The following HERC1 variants were observed in gnomAD, a reference collection of about 807,000 sequenced individuals.
HERC1 encodes probable E3 ubiquitin-protein ligase HERC1.
In HERC1, 160 loss-of-function variants were observed where a neutral mutation model predicts 554.3. The observed-to-expected ratio is 0.29, with a 90% confidence interval of 0.25 to 0.33. The LOEUF (loss-of-function observed/expected upper bound fraction) is 0.33, where lower values mean the gene tolerates loss of function less well. Among genes scored for constraint, HERC1 ranks in the 10% least tolerant of loss-of-function variants. The pLI, the probability that HERC1 is intolerant of heterozygous loss-of-function variation, is 1.00. For missense variants in HERC1, 4,919 were observed against 5,918.5 expected (o/e 0.83, Z 5.54); for synonymous variants, 2,175 against 2,131.7 (o/e 1.02, Z -0.56).
chr15:63,670,920 G>A (rs541165294), intron 39 of HERC1, among the ~76,000 whole-genome samples: 1 of 152,016 alleles, frequency 6.6e-6, no homozygotes, highest in Admixed American at 6.5e-5. Flanking sequence ...ATTAGCGAGG[G>A]GCCAGGTGCG....
chr15:63,826,803 AAAAAAAAAAAAAT>A (rs1448346766), intron 1 of HERC1, among the ~76,000 whole-genome samples: 66 of 73,612 alleles, frequency 9.0e-4, no homozygotes, highest in Admixed American at 1.4e-3. Flanking sequence ...AAAAAAAAAA[AAAAAAAAAAAAAT>A]ATATATATAT....
intron 1 of HERC1, among the ~76,000 whole-genome samples, chr15:63,799,821 A>G (rs545075178): frequency 3.7e-4 from 56 of 152,308 alleles, no homozygotes; most frequent in African/African-American, 1.3e-3. Flanking sequence ...TTCAGGAGCC[A>G]TTCCTAAATC....
intron 72 of HERC1, 32 bp from the exon 73 acceptor site, chr15:63,623,922 C>T: frequency 6.2e-7 from 1 of 1,601,820 alleles, no homozygotes; most frequent in Non-Finnish European, 8.5e-7. Context: ...CAATGAAATA[C>T]AACTCTTACC....
At position 63,734,522 on chromosome 15, in the gene HERC1, T is replaced by C. The variant is rs2074421603; in HGVS notation, c.2646+202A>G. The C allele has an allele frequency of 5.4e-6, 2 of 373,086 alleles. No homozygotes were observed. Among genetic ancestry groups the C allele is most frequent in the Non-Finnish European group, 9.5e-6 (2 of 209,970 alleles). 23.1% of individuals were successfully genotyped at this position (373,086 alleles called of 1,614,324 possible). A position where few individuals can be genotyped will look rare whatever the true frequency, so the allele number is the denominator to read the frequency against. On this transcript the variant is annotated intron_variant, in intron 13 of 77. Transcript: ENST00000443617. This position sits in a 1 kb window ranked among gnomAD's most constrained non-coding sequence, Gnocchi z 4.6. ...CTGGAAAAATTAGTCCTTATTTTAA[T>C]AATTAGCCCCAAATAACTTAATAAA...
Position 63,698,951 on chromosome 15 carries a change from C to G in HERC1, c.4682G>C (p.Arg1561Pro). 1 of 1,613,622 alleles carries G rather than the reference C, an allele frequency of 6.2e-7. No individual in the cohort carries two copies. The part of the protein sequence containing the change: ...QLESLSDSWA[R>P]LKHSRDWLCN... ...TAACCAGTCTCTGCTATGTTTCAGGCGAGCCCAAGAGTCACTCAGGGATTC... is the reference window on the plus strand; with the variant it reads ...TAACCAGTCTCTGCTATGTTTCAGGGGAGCCCAAGAGTCACTCAGGGATTC... The change falls in exon 26 of 78, where the codon CGC (arginine) becomes CCC (proline). Residue 1561 changes from arginine to proline, a missense_variant. Physicochemically the swap from Arg to Pro is moderately radical, Grantham distance 103. Transcript: ENST00000443617.
Position 63,749,810 on chromosome 15 carries a change from C to A in HERC1, c.1903-19G>T. On this transcript the variant is annotated intron_variant, in intron 8 of 77. Coordinates refer to ENST00000443617, the MANE Select transcript of HERC1 (RefSeq NM_003922.4). The surrounding 1 kb of genome is among the most constrained non-coding windows in gnomAD (Gnocchi z 4.1). ...CATAGACCTGAAAAAAACAGAAATA[C>A]GTTACACATAACTTCCTGAGATGAT... is the stretch of plus-strand genomic sequence containing the variant. 2.0e-6 allele frequency: 3 copies of A among 1,525,518 alleles called. No homozygotes were observed. Among genetic ancestry groups the A allele is most frequent in the Non-Finnish European group, 2.6e-6 (3 of 1,136,630 alleles). 94.5% of individuals were successfully genotyped at this position (1,525,518 alleles called of 1,614,324 possible).
intron 1 of HERC1, among the ~76,000 whole-genome samples, chr15:63,814,866 G>T (rs553231075): frequency 3.3e-5 from 5 of 152,144 alleles, no homozygotes; most frequent in Non-Finnish European, 7.3e-5. Flanking sequence ...ATTGTTAAGA[G>T]GATCAAATAA....
intron 66 of HERC1, among the ~76,000 whole-genome samples, chr15:63,634,329 T>A: frequency 6.6e-6 from 1 of 152,200 alleles, no homozygotes; most frequent in East Asian, 1.9e-4. Flanking sequence ...AGGACACTCT[T>A]GATGTATACA....
At chr15:63,661,063 AAC>A (rs1188500043) in intron 45 of HERC1, 38 bp from the exon 46 acceptor site, 2 of 1,442,438 alleles carry the variant, frequency 1.4e-6, no homozygotes, top group Non-Finnish European at 2.0e-6. Flanking sequence ...TTTTATATAA[AAC>A]AGTTAGTACC....
chr15:63,711,571 C>T (rs192520514), intron 24 of HERC1, among the ~76,000 whole-genome samples: 10 of 152,212 alleles, frequency 6.6e-5, no homozygotes, highest in Admixed American at 5.9e-4. Flanking sequence ...TTTATGGAAG[C>T]TTTTTTAAAA....
intron 30 of HERC1, 56 bp downstream of exon 30, chr15:63,693,908 C>G (rs761895486): frequency 1.2e-5 from 18 of 1,503,044 alleles, no homozygotes; most frequent in Non-Finnish European, 1.5e-5. Context: ...CATATGCACA[C>G]AATGGGGTTT....
At chr15:63,772,148 A>C (rs1244931667) in intron 2 of HERC1, among the ~76,000 whole-genome samples, 1 of 151,996 alleles carries the variant, frequency 6.6e-6, no homozygotes, top group Non-Finnish European at 1.5e-5. Context: ...AAAAGGAAAA[A>C]TATTTAAACT....
At chr15:63,633,796 AG>A (rs1440214061) in intron 67 of HERC1, 51 bp downstream of exon 67, 3 of 1,567,718 alleles carry the variant, frequency 1.9e-6, no homozygotes, top group Non-Finnish European at 2.6e-6. Flanking sequence ...CTACTGACAT[AG>A]ATGAAAACTA....
Position 63,727,559 on chromosome 15 carries a change from T to TA in HERC1, c.3346+87dup, listed in dbSNP as rs113752258. ...ATTCCTTTGATAGCCTTAGGATAGA[T>TA]AGACTCCAATGGAAAAACACAGTGA... On this transcript the variant is annotated intron_variant, in intron 17 of 77. Transcript: ENST00000443617. The surrounding 1 kb of genome is among the most constrained non-coding windows in gnomAD (Gnocchi z 4.3). 254,660 of 902,844 alleles carry TA rather than the reference T, an allele frequency of 0.28. 40,200 individuals carry two copies. The highest frequency in any genetic ancestry group is 0.32 in the Middle Eastern group (941 of 2,946). 55.9% of individuals were successfully genotyped at this position (902,844 alleles called of 1,614,324 possible). A position where few individuals can be genotyped will look rare whatever the true frequency, so the allele number is the denominator to read the frequency against.
intron 7 of HERC1, 76 bp from the exon 8 acceptor site, chr15:63,753,161 A>G (rs2075308066): frequency 3.7e-6 from 4 of 1,094,784 alleles, no homozygotes; most frequent in South Asian, 4.3e-5. Flanking sequence ...TAAAGTTGAT[A>G]AGGAGCTCTA....
At chr15:63,826,795 AAAAAAAAAAAAAAAAAAAAATAT>A (rs1431434083) in intron 1 of HERC1, among the ~76,000 whole-genome samples, 16 of 60,428 alleles carry the variant, frequency 2.6e-4, no homozygotes, top group Middle Eastern at 6.6e-3. Flanking sequence ...AAAAAAAAAA[AAAAAAAAAAAAAAAAAAAAATAT>A]ATATATATAT....
At position 63,674,182 on chromosome 15, in the gene HERC1, AAAAG is replaced by A. The variant is rs201277582; in HGVS notation, c.7846+156_7846+159del. 0.012 allele frequency among the ~76,000 whole-genome samples: 1,797 copies of A among 152,262 alleles called. 20 individuals are homozygous for A. Among genetic ancestry groups the A allele is most frequent in the East Asian group, 0.022 (115 of 5,186 alleles). On this transcript the variant is annotated intron_variant, in intron 38 of 77. Coordinates refer to ENST00000443617, the MANE Select transcript of HERC1 (RefSeq NM_003922.4). Reference sequence around the variant, plus strand: ...AAGATTACTAATAGAAAAATAATAAAAAAGAACTGTTTTCAAGAAAAAATGATGT... The same window carrying A: ...AAGATTACTAATAGAAAAATAATAAAAACTGTTTTCAAGAAAAAATGATGT...
At chr15:63,730,936 A>C (rs1350820341) in intron 14 of HERC1, among the ~76,000 whole-genome samples, 1 of 152,234 alleles carries the variant, frequency 6.6e-6, no homozygotes, top group African/African-American at 2.4e-5. Context: ...AGCACCATTT[A>C]AACAACTACT....
intron 40 of HERC1, among the ~76,000 whole-genome samples, chr15:63,668,653 A>T (rs1411309559): frequency 6.6e-6 from 1 of 152,216 alleles, no homozygotes. Flanking sequence ...GAGAAAGCAG[A>T]TTTCAGGGCA....
Sources: gnomAD v4.1 joint callset for allele counts (sites outside exome capture counted in the v4.1 genomes callset) on GRCh38, gnomAD v4.1.1 for gene constraint, Gnocchi (gnomAD v3.1) non-coding constraint, MANE v1.5 for transcripts, NCBI Gene and HGNC (gene_info 2026-07-23, HGNC 2026-07-21) for gene names.